The following PCGF5 variants were observed in gnomAD, a reference collection of about 807,000 sequenced individuals.
PCGF5 encodes polycomb group ring finger 5, also known as polycomb group RING finger protein 5.
A neutral mutation model predicts 44.3 loss-of-function variants in PCGF5; 9 were observed. That is an observed-to-expected ratio of 0.20 (90% CI 0.12 to 0.35). The LOEUF is 0.35. Ranked by LOEUF, PCGF5 falls within the 10% of genes least tolerant of loss-of-function variation. The probability of loss-of-function intolerance (pLI) is 1.00; values close to 1 mark genes in which losing one functional copy is unlikely to be tolerated. For missense variants in PCGF5, 146 were observed against 305.3 expected (o/e 0.48, Z 3.89); for synonymous variants, 95 against 102.5 (o/e 0.93, Z 0.44).
chr10:91,214,912 T>G (rs1844515225), intron 1 of PCGF5, among the ~76,000 whole-genome samples: 1 of 152,236 alleles, frequency 6.6e-6, no homozygotes, highest in Non-Finnish European at 1.5e-5. Flanking sequence ...TAAGTTCAGG[T>G]TCTTATTACA....
intron 1 of PCGF5, among the ~76,000 whole-genome samples, chr10:91,167,650 A>G (rs1322386812): frequency 1.3e-5 from 2 of 152,166 alleles, no homozygotes; most frequent in Non-Finnish European, 2.9e-5. Flanking sequence ...GGGAGGGGAA[A>G]TTAGGACTAT....
upstream of PCGF5, among the ~76,000 whole-genome samples, chr10:91,161,265 G>C (rs1459138775): frequency 6.6e-6 from 1 of 152,210 alleles, no homozygotes. Flanking sequence ...TTCAACACTT[G>C]TAACTAATTT....
At chr10:91,255,726 T>C (rs1392026998) in intron 6 of PCGF5, among the ~76,000 whole-genome samples, 3 of 152,086 alleles carry the variant, frequency 2.0e-5, no homozygotes, top group Non-Finnish European at 4.4e-5. Context: ...ATTTAAAATG[T>C]CTAGTTTCAA....
At chr10:91,200,332 T>C (rs1008865229) in intron 1 of PCGF5, among the ~76,000 whole-genome samples, 2 of 152,240 alleles carry the variant, frequency 1.3e-5, no homozygotes, top group Non-Finnish European at 2.9e-5. Context: ...GGGTTCTTTA[T>C]GCTGATTATT....
chr10:91,272,142 A>G (rs1846194406), intron 9 of PCGF5, among the ~76,000 whole-genome samples: 1 of 152,240 alleles, frequency 6.6e-6, no homozygotes, highest in African/African-American at 2.4e-5. Context: ...CTAGTACTTT[A>G]CTTGAGTTAC....
At chr10:91,248,880 G>A (rs373473374) in intron 5 of PCGF5, among the ~76,000 whole-genome samples, 156 bp downstream of exon 5, 3 of 151,994 alleles carry the variant, frequency 2.0e-5, no homozygotes, top group Admixed American at 2.0e-4. Flanking sequence ...CTCTATATGA[G>A]ATTTTATATA....
upstream of PCGF5, among the ~76,000 whole-genome samples, chr10:91,217,196 G>A (rs1844558925): frequency 6.6e-6 from 1 of 152,100 alleles, no homozygotes; most frequent in African/African-American, 2.4e-5. Flanking sequence ...ACCACGCCCT[G>A]CTAATCTTTT....
chr10:91,236,974 T>A (rs1459702859), intron 2 of PCGF5, among the ~76,000 whole-genome samples: 2 of 152,226 alleles, frequency 1.3e-5, no homozygotes, highest in African/African-American at 4.8e-5. Context: ...AGACATTCTT[T>A]TTCTATATAT....
chr10:91,207,481 A>G (rs991047134), intron 1 of PCGF5, among the ~76,000 whole-genome samples: 1 of 152,228 alleles, frequency 6.6e-6, no homozygotes, highest in Non-Finnish European at 1.5e-5. Context: ...ATAGTTGCAG[A>G]CATGACCCTT....
chr10:91,242,441 G>A (rs1025806840), intron 3 of PCGF5, among the ~76,000 whole-genome samples: 3 of 151,674 alleles, frequency 2.0e-5, no homozygotes, highest in African/African-American at 7.3e-5. Context: ...AATAAAAACA[G>A]ACAGTTAATA....
chr10:91,168,929 GAAAAAAA>G (rs57345364), intron 1 of PCGF5, among the ~76,000 whole-genome samples: 4 of 56,204 alleles, frequency 7.1e-5, no homozygotes, highest in African/African-American at 2.2e-4. Context: ...CTCCGTCTCA[GAAAAAAA>G]AAAAAAAAAA....
chr10:91,234,896 G>A (rs1310165133), intron 2 of PCGF5, among the ~76,000 whole-genome samples: 8 of 152,298 alleles, frequency 5.3e-5, no homozygotes, highest in Non-Finnish European at 1.0e-4. Flanking sequence ...GAACAACTAT[G>A]CTATACTACC....
chr10:91,178,417 T>G (rs1444590585), intron 1 of PCGF5, among the ~76,000 whole-genome samples: 3 of 149,692 alleles, frequency 2.0e-5, no homozygotes, highest in Admixed American at 1.3e-4. Flanking sequence ...TGAGATAGGG[T>G]CTTGCTCTGT....
At chr10:91,270,596 A>G (rs1014785662) in intron 8 of PCGF5, among the ~76,000 whole-genome samples, 3 of 152,190 alleles carry the variant, frequency 2.0e-5, no homozygotes, top group Admixed American at 2.0e-4. Context: ...ACTGCTAGAG[A>G]AAAAAATTAC....
upstream of PCGF5, among the ~76,000 whole-genome samples, chr10:91,162,780 G>T (rs1843409327): frequency 6.6e-6 from 1 of 151,150 alleles, no homozygotes; most frequent in Non-Finnish European, 1.5e-5. Flanking sequence ...TCCAATCAGG[G>T]AGTGCGGGCT....
At chr10:91,213,403 G>A (rs535806145) in intron 1 of PCGF5, among the ~76,000 whole-genome samples, 9 of 152,220 alleles carry the variant, frequency 5.9e-5, no homozygotes, top group African/African-American at 2.2e-4. Context: ...AATTAGTTCT[G>A]TGTCAGATAT....
At position 91,190,094 on chromosome 10, in the gene PCGF5, C is replaced by G. The variant is rs559733710; in HGVS notation, c.-184+27013C>G. 2.6e-5 allele frequency among the ~76,000 whole-genome samples: 4 copies of G among 152,170 alleles called. No individual in the cohort carries two copies. The East Asian group carries it at 7.7e-4, about 29-fold the overall frequency. Reference sequence around the variant, plus strand: ...CTCACTGTTTTTAAGGTTGGAAAACCCAACATCAAGGCATGGGCAGATTGG... The same window carrying G: ...CTCACTGTTTTTAAGGTTGGAAAACGCAACATCAAGGCATGGGCAGATTGG... On this transcript the variant is annotated intron_variant, in intron 1 of 9. Coordinates refer to the PCGF5 transcript ENST00000614189.
chr10:91,253,232 T>G (rs1845664360), intron 6 of PCGF5, among the ~76,000 whole-genome samples: 1 of 152,048 alleles, frequency 6.6e-6, no homozygotes, highest in Non-Finnish European at 1.5e-5. Context: ...GTTTCTTACA[T>G]AAGTAAATTG....
rs908620923 is a variant in PCGF5, at chr10:91,220,748, C to G, written c.-272C>G. On this transcript the variant is annotated 5_prime_UTR_variant, in exon 1 of 10. Coordinates refer to ENST00000336126, the MANE Select transcript of PCGF5 (RefSeq NM_032373.5). ...AGACGGGGCGCGGGGACCGGCCAGGCCGCGGCGGGTGCTGTTTCTGTTTCA... is the reference window on the plus strand; with the variant it reads ...AGACGGGGCGCGGGGACCGGCCAGGGCGCGGCGGGTGCTGTTTCTGTTTCA... The G allele has an allele frequency of 3.3e-5, 5 of 152,298 alleles. No homozygotes were observed. Among genetic ancestry groups the G allele is most frequent in the African/African-American group, 9.7e-5 (4 of 41,384 alleles). 9.4% of individuals were successfully genotyped at this position (152,298 alleles called of 1,614,324 possible). A position where few individuals can be genotyped will look rare whatever the true frequency, so the allele number is the denominator to read the frequency against.
Sources: allele counts gnomAD v4.1 joint callset (sites outside exome capture counted in the v4.1 genomes callset), GRCh38; gene constraint gnomAD v4.1.1; transcripts MANE v1.5; gene names NCBI Gene and HGNC (gene_info 2026-07-23, HGNC 2026-07-21).